PRKG1: variants seen among roughly 807,000 people sequenced by gnomAD.
The protein encoded by PRKG1 is protein kinase cGMP-dependent 1, also known as cGMP-dependent protein kinase 1.
Under a neutral mutation model 88.1 loss-of-function variants are expected in PRKG1, and 35 were observed. That is an observed-to-expected ratio of 0.40 (90% CI 0.30 to 0.53). PRKG1 has a LOEUF of 0.53. Ranked by LOEUF, PRKG1 falls within the 20% of genes least tolerant of loss-of-function variation. PRKG1 has a pLI of 0.59. For synonymous variants in PRKG1, 303 were observed against 292.5 expected (o/e 1.04, Z -0.37); for missense variants, 540 against 839.8 (o/e 0.64, Z 4.41).
At chr10:51,748,973 A>C (rs559659669) in intron 3 of PRKG1, among the ~76,000 whole-genome samples, 1 of 152,358 alleles carries the variant, frequency 6.6e-6, no homozygotes, top group African/African-American at 2.4e-5. Flanking sequence ...AATGAAGTTA[A>C]AATACTCTTC....
At chr10:52,120,261 A>T (rs545414859) in intron 7 of PRKG1, among the ~76,000 whole-genome samples, 1 of 152,160 alleles carries the variant, frequency 6.6e-6, no homozygotes, top group Non-Finnish European at 1.5e-5. Context: ...CTGCCAACAC[A>T]TGAACTTTGG....
intron 4 of PRKG1, among the ~76,000 whole-genome samples, chr10:51,831,858 G>C (rs1295381939): frequency 6.6e-6 from 1 of 152,124 alleles, no homozygotes; most frequent in African/African-American, 2.4e-5. Context: ...AGGAGTCTTA[G>C]AAAGAAAGGA....
At chr10:51,236,795 C>T (rs375448393) in intron 2 of PRKG1, among the ~76,000 whole-genome samples, 50 of 152,230 alleles carry the variant, frequency 3.3e-4, no homozygotes, top group African/African-American at 9.1e-4. Context: ...TGAGCCACCA[C>T]GCTCAGCCAT....
intron 3 of PRKG1, among the ~76,000 whole-genome samples, chr10:51,638,240 A>G (rs1046597867): frequency 3.9e-5 from 6 of 152,158 alleles, no homozygotes; most frequent in African/African-American, 1.4e-4. Context: ...TTATTATTTT[A>G]GATAAGTATA....
At chr10:52,226,556 T>C (rs1840393338) in intron 9 of PRKG1, among the ~76,000 whole-genome samples, 1 of 152,148 alleles carries the variant, frequency 6.6e-6, no homozygotes, top group African/African-American at 2.4e-5. Context: ...CGTATTTCCA[T>C]GCTGAAAAAT....
chr10:51,905,597 C>G (rs1229733853), intron 4 of PRKG1, among the ~76,000 whole-genome samples: 1 of 151,810 alleles, frequency 6.6e-6, no homozygotes, highest in Non-Finnish European at 1.5e-5. Context: ...TGTTGATAAC[C>G]TTTTGTTTTT....
At chr10:51,017,825 G>C (rs1007238471) in intron 1 of PRKG1, among the ~76,000 whole-genome samples, 4 of 151,088 alleles carry the variant, frequency 2.6e-5, no homozygotes, top group African/African-American at 9.7e-5. Context: ...TTTGATACAG[G>C]GTCTTGCTTT....
chr10:51,594,089 A>G (rs2132213596), intron 3 of PRKG1, among the ~76,000 whole-genome samples: 1 of 151,866 alleles, frequency 6.6e-6, no homozygotes, highest in Non-Finnish European at 1.5e-5. Context: ...CAGTAGTGTA[A>G]TCATAGCTCA....
At chr10:51,836,068 A>T (rs1304980779) in intron 4 of PRKG1, among the ~76,000 whole-genome samples, 1 of 152,158 alleles carries the variant, frequency 6.6e-6, no homozygotes, top group Non-Finnish European at 1.5e-5. Flanking sequence ...CTGAATAGCA[A>T]AAACAATCCT....
intron 3 of PRKG1, among the ~76,000 whole-genome samples, chr10:51,669,420 T>G (rs1016739358): frequency 6.6e-5 from 10 of 152,146 alleles, no homozygotes; most frequent in African/African-American, 1.9e-4. Context: ...AGGCTGTATC[T>G]CCAATACAGT....
chr10:51,015,833 G>A (rs191073880), intron 1 of PRKG1, among the ~76,000 whole-genome samples: 164 of 152,310 alleles, frequency 1.1e-3, no homozygotes, highest in Non-Finnish European at 3.4e-4. Flanking sequence ...GTTGCAGTGA[G>A]CCGAGATGGC....
intron 2 of PRKG1, among the ~76,000 whole-genome samples, chr10:51,222,066 G>A (rs1232024483): frequency 2.6e-5 from 4 of 151,590 alleles, no homozygotes; most frequent in Admixed American, 6.6e-5. Flanking sequence ...TATTAGACAC[G>A]GGGTTTCACC....
At chr10:51,865,169 T>G (rs1185874262) in intron 4 of PRKG1, among the ~76,000 whole-genome samples, 4 of 152,112 alleles carry the variant, frequency 2.6e-5, no homozygotes, top group Admixed American at 6.6e-5. Context: ...AAGATGCGTA[T>G]AGTGAAAATA....
chr10:51,394,118 C>T (rs1309155236), intron 2 of PRKG1, among the ~76,000 whole-genome samples: 2 of 152,174 alleles, frequency 1.3e-5, no homozygotes, highest in African/African-American at 2.4e-5. Flanking sequence ...TCCTAACAAA[C>T]CACTCCAAAA....
chr10:51,961,299 G>A (rs1021524306), intron 5 of PRKG1, among the ~76,000 whole-genome samples: 1 of 152,100 alleles, frequency 6.6e-6, no homozygotes, highest in Admixed American at 6.6e-5. Context: ...CGTGTCCACG[G>A]GTTTTGCATC....
intron 5 of PRKG1, among the ~76,000 whole-genome samples, chr10:51,975,421 C>T (rs1044107696): frequency 1.8e-4 from 27 of 151,872 alleles, no homozygotes; most frequent in African/African-American, 6.3e-4. Context: ...AATCAGAAAG[C>T]AGTAATCAAA....
At chr10:51,760,038 G>A (rs1837977327) in intron 3 of PRKG1, among the ~76,000 whole-genome samples, 1 of 152,136 alleles carries the variant, frequency 6.6e-6, no homozygotes, top group Non-Finnish European at 1.5e-5. Context: ...CTATCTGCCT[G>A]GCCAGCCCAT....
chr10:51,038,950 G>T (rs1663020230), intron 1 of PRKG1, among the ~76,000 whole-genome samples: 1 of 152,054 alleles, frequency 6.6e-6, no homozygotes, highest in Admixed American at 6.6e-5. Context: ...AGAATCCCAA[G>T]AAGAAAAACA....
intron 3 of PRKG1, among the ~76,000 whole-genome samples, chr10:51,558,023 T>C (rs1273264211): frequency 6.6e-6 from 1 of 152,136 alleles, no homozygotes; most frequent in Non-Finnish European, 1.5e-5. Context: ...CTTCTGTACA[T>C]TTGTACTGAA....
Sources: gnomAD v4.1 joint callset for allele counts (sites outside exome capture counted in the v4.1 genomes callset) on GRCh38, gnomAD v4.1.1 for gene constraint, MANE v1.5 for transcripts, NCBI Gene and HGNC (gene_info 2026-07-23, HGNC 2026-07-21) for gene names.